The following CHST3 variants were observed in gnomAD, a reference collection of about 807,000 sequenced individuals.
CHST3 encodes C6ST-1.
CHST3 carries 20 observed loss-of-function variants against 35.4 expected under a neutral mutation model. The observed-to-expected ratio is 0.57, with a 90% confidence interval of 0.40 to 0.82. CHST3 has a LOEUF of 0.82. Among genes scored for constraint, CHST3 ranks in the 40% least tolerant of loss-of-function variants. CHST3 has a pLI of 0.00. For missense variants in CHST3, 693 were observed against 670.1 expected, an observed-to-expected ratio of 1.03 and a Z score of -0.38; for synonymous variants, 334 against 295.9, an observed-to-expected ratio of 1.13 and a Z score of -1.32.
At chr10:72,006,749 TC>T (rs147117420) in intron 2 of CHST3, among the ~76,000 whole-genome samples, 10 of 151,758 alleles carry the variant, frequency 6.6e-5, no homozygotes, top group South Asian at 4.2e-4. Flanking sequence ...ACACCGTCAA[TC>T]CCCCCCCTTG....
At chr10:71,992,359 G>A (rs1227981210) in intron 1 of CHST3, among the ~76,000 whole-genome samples, 1 of 152,022 alleles carries the variant, frequency 6.6e-6, no homozygotes, top group Non-Finnish European at 1.5e-5. Context: ...TTTATTATTT[G>A]CAGAGACACA....
At chr10:71,996,432 C>CG in intron 1 of CHST3, among the ~76,000 whole-genome samples, 1 of 145,756 alleles carries the variant, frequency 6.9e-6, no homozygotes, top group African/African-American at 2.6e-5. Flanking sequence ...CCAACCCCCC[C>CG]CCAACGTATG....
chr10:71,984,874 T>C (rs914778726), intron 1 of CHST3, among the ~76,000 whole-genome samples: 4 of 152,234 alleles, frequency 2.6e-5, no homozygotes, highest in African/African-American at 9.6e-5. Context: ...GTTCCATGCT[T>C]GGCCCAGAGC....
chr10:71,994,428 G>A (rs1280465326), intron 1 of CHST3, among the ~76,000 whole-genome samples: 5 of 152,144 alleles, frequency 3.3e-5, no homozygotes, highest in African/African-American at 9.7e-5. Flanking sequence ...CATTGTCAAT[G>A]AGCAGTAGTA....
chr10:71,987,684 C>G (rs1181619513), intron 1 of CHST3, among the ~76,000 whole-genome samples: 2 of 148,660 alleles, frequency 1.3e-5, no homozygotes, highest in Admixed American at 6.7e-5. Context: ...CCACTGCACT[C>G]CACCCTGGGT....
intron 1 of CHST3, among the ~76,000 whole-genome samples, chr10:71,974,069 G>A (rs900290715): frequency 1.3e-5 from 2 of 152,212 alleles, no homozygotes; most frequent in Non-Finnish European, 2.9e-5. Flanking sequence ...CCCCACATGG[G>A]GAAGACATGG....
intron 1 of CHST3, among the ~76,000 whole-genome samples, chr10:71,994,246 CAG>C (rs1450520938): frequency 1.3e-5 from 2 of 148,944 alleles, no homozygotes; most frequent in Non-Finnish European, 3.0e-5. Flanking sequence ...GCCTGGGTGA[CAG>C]AGTAAGAAAA....
Position 72,011,575 on chromosome 10 carries a change from C to G in CHST3, c.*3104C>G, listed in dbSNP as rs868390331. On this transcript the variant is annotated 3_prime_UTR_variant, in exon 3 of 3. Coordinates refer to ENST00000373115, the MANE Select transcript of CHST3 (RefSeq NM_004273.5). ...CTGTTCCAGCTTGTCTGCCAGAAGC[C>G]TTCCCCTGCAAGGTGCCCACCTGCC... is the stretch of plus-strand genomic sequence containing the variant. The G allele has an allele frequency of 1.3e-4, 20 of 152,362 alleles. No individual in the cohort carries two copies. Among genetic ancestry groups the G allele is most frequent in the African/African-American group, 4.8e-4 (20 of 41,580 alleles). The allele number at this position is 152,362 out of a possible 1,614,324, so 9.4% of individuals were successfully genotyped here. A position where few individuals can be genotyped will look rare whatever the true frequency, so the allele number is the denominator to read the frequency against.
Position 71,990,440 on chromosome 10 carries a change from C to T in CHST3, c.-107-15296C>T, listed in dbSNP as rs543982116. On this transcript the variant is annotated intron_variant, in intron 1 of 2. Coordinates refer to ENST00000373115, the MANE Select transcript of CHST3 (RefSeq NM_004273.5). The stretch of plus-strand genomic sequence containing the variant: ...GTGCAATGGTGTGATCTTGGCTCAC[C>T]GCAACCTCCACCTCCCACGTTCAAG... Among the ~76,000 whole-genome samples, 296 of 152,158 alleles carry T rather than the reference C, an allele frequency of 1.9e-3. 1 individual carries two copies. The highest frequency in any genetic ancestry group is 3.0e-3 in the Non-Finnish European group (206 of 67,992).
At chr10:71,999,401 G>A (rs1360249519) in intron 1 of CHST3, among the ~76,000 whole-genome samples, 2 of 152,164 alleles carry the variant, frequency 1.3e-5, no homozygotes, top group South Asian at 2.1e-4. Context: ...GGGTTTCAGC[G>A]CTCCCACTCT....
rs1402502581 is a variant in CHST3, at chr10:72,007,576, C to A, written c.545C>A (p.Ala182Glu). ...VSFEPGGANA[A>E]GSALVYRDVL... ...TTCGAGCCGGGGGGCGCCAACGCCG[C>A]GGGCTCGGCCCTGGTGTACCGCGAC... Residue 182 changes from alanine (A) to glutamate (E), a missense_variant, in exon 3 of 3, where the codon GCG becomes GAG. Physicochemically the swap from Ala to Glu is moderately radical, Grantham distance 107. Transcript: ENST00000373115. The A allele has an allele frequency of 1.2e-6, 2 of 1,608,370 alleles. No homozygotes were observed. The highest frequency in any genetic ancestry group is 1.1e-5 in the South Asian group (1 of 90,946).
intron 1 of CHST3, among the ~76,000 whole-genome samples, chr10:71,975,936 T>G (rs1401423593): frequency 6.6e-6 from 1 of 152,268 alleles, no homozygotes; most frequent in African/African-American, 2.4e-5. Context: ...TTTCTGGCTG[T>G]CTGAGCTCCC....
At chr10:72,002,236 G>C (rs1224685562) in intron 1 of CHST3, among the ~76,000 whole-genome samples, 1 of 152,198 alleles carries the variant, frequency 6.6e-6, no homozygotes, top group Non-Finnish European at 1.5e-5. Flanking sequence ...GCAGCGTCAA[G>C]AAGGATCTTA....
At chr10:71,979,232 GTCGC>G (rs1419061179) in intron 1 of CHST3, among the ~76,000 whole-genome samples, 1 of 152,180 alleles carries the variant, frequency 6.6e-6, no homozygotes, top group Admixed American at 6.5e-5. Context: ...CCTTGGGCGG[GTCGC>G]TCAGCGTGTC....
chr10:72,008,564 G>A lies in CHST3; in HGVS notation c.*93G>A. The stretch of plus-strand genomic sequence containing the variant: ...AGAGGGCGGGTGCACAGCGCCATGA[G>A]CGGGCAGCGCCTCCTGTAGCAGTAG... On this transcript the variant is annotated 3_prime_UTR_variant, in exon 3 of 3. Transcript: ENST00000373115. 6.9e-7 allele frequency: 1 copy of A among 1,440,312 alleles called. No individual in the cohort carries two copies. Among genetic ancestry groups the A allele is most frequent in the South Asian group, 1.5e-5 (1 of 67,344 alleles). The allele number at this position is 1,440,312 out of a possible 1,614,324, so 89.2% of individuals were successfully genotyped here. A position where few individuals can be genotyped will look rare whatever the true frequency, so the allele number is the denominator to read the frequency against.
intron 1 of CHST3, among the ~76,000 whole-genome samples, chr10:71,983,966 A>G (rs973752694): frequency 1.3e-5 from 2 of 152,184 alleles, no homozygotes; most frequent in African/African-American, 2.4e-5. Context: ...ACCCAAAATA[A>G]CAAATGGAAT....
chr10:71,979,683 GTTT>G (rs975830186), intron 1 of CHST3, among the ~76,000 whole-genome samples: 14 of 152,108 alleles, frequency 9.2e-5, no homozygotes, highest in African/African-American at 2.9e-4. Flanking sequence ...TGACTTTATT[GTTT>G]TTATTTTTTT....
Position 72,008,748 on chromosome 10 carries a change from T to G in CHST3, c.*277T>G. The G allele has an allele frequency of 2.3e-6, 1 of 427,674 alleles. No homozygotes were observed. Among genetic ancestry groups the G allele is most frequent in the Non-Finnish European group, 4.1e-6 (1 of 246,804 alleles). 26.5% of individuals were successfully genotyped at this position (427,674 alleles called of 1,614,324 possible). A position where few individuals can be genotyped will look rare whatever the true frequency, so the allele number is the denominator to read the frequency against. ...GCCCGGGCCTGTTGGCAAGCTTCGA[T>G]CTCACACACACAGAAACATACATTC... is the stretch of plus-strand genomic sequence containing the variant. On this transcript the variant is annotated 3_prime_UTR_variant, in exon 3 of 3. Transcript: ENST00000373115.
At chr10:71,969,712 AGGGGCC>A (rs1205172071) in intron 1 of CHST3, among the ~76,000 whole-genome samples, 3 of 152,170 alleles carry the variant, frequency 2.0e-5, no homozygotes, top group African/African-American at 4.8e-5. Flanking sequence ...ACCCCACTGC[AGGGGCC>A]GGGGCTGTCC....
Sources: allele counts gnomAD v4.1 joint callset (sites outside exome capture counted in the v4.1 genomes callset), GRCh38; gene constraint gnomAD v4.1.1; transcripts MANE v1.5; gene names NCBI Gene and HGNC (gene_info 2026-07-23, HGNC 2026-07-21).